RNF180: variants seen among roughly 807,000 people sequenced by gnomAD.
The protein encoded by RNF180 is ring finger protein 180.
Under a neutral mutation model 59.2 loss-of-function variants are expected in RNF180, and 38 were observed. That is an observed-to-expected ratio of 0.64 (90% CI 0.50 to 0.84). The LOEUF is 0.84. Among genes scored for constraint, RNF180 ranks in the 40% least tolerant of loss-of-function variants. The probability of loss-of-function intolerance (pLI) is 0.00; values close to 1 mark genes in which losing one functional copy is unlikely to be tolerated. For synonymous variants in RNF180, 262 were observed against 240.3 expected, an observed-to-expected ratio of 1.09 and a Z score of -0.84; for missense variants, 705 against 700.9, an observed-to-expected ratio of 1.01 and a Z score of -0.07.
At chr5:64,205,227 C>G (rs1751956069) in intron 2 of RNF180, among the ~76,000 whole-genome samples, 1 of 152,048 alleles carries the variant, frequency 6.6e-6, no homozygotes, top group Non-Finnish European at 1.5e-5. Context: ...TCAAAGTTAG[C>G]TTGGTGTGGA....
intron 5 of RNF180, among the ~76,000 whole-genome samples, chr5:64,316,521 A>G (rs1466195015): frequency 6.6e-6 from 1 of 152,186 alleles, no homozygotes; most frequent in Non-Finnish European, 1.5e-5. Context: ...TTGAGAACGT[A>G]CTATGGTGTT....
At chr5:64,235,759 T>C (rs2112216592) in intron 5 of RNF180, among the ~76,000 whole-genome samples, 1 of 152,244 alleles carries the variant, frequency 6.6e-6, no homozygotes, top group Non-Finnish European at 1.5e-5. Flanking sequence ...GTTCTTATGA[T>C]AGTGAGTGAG....
intron 5 of RNF180, among the ~76,000 whole-genome samples, chr5:64,222,439 G>A (rs957792344): frequency 6.6e-6 from 1 of 152,132 alleles, no homozygotes; most frequent in African/African-American, 2.4e-5. Flanking sequence ...AAGGGAGGGG[G>A]TACATGGGGG....
intron 5 of RNF180, among the ~76,000 whole-genome samples, chr5:64,309,170 A>G (rs374816292): frequency 1.3e-5 from 2 of 151,756 alleles, no homozygotes; most frequent in East Asian, 1.9e-4. Context: ...TAAAAGGCCT[A>G]AAGAATTCAT....
chr5:64,310,409 A>G (rs1193467092), intron 5 of RNF180, among the ~76,000 whole-genome samples: 1 of 151,362 alleles, frequency 6.6e-6, no homozygotes, highest in Admixed American at 6.6e-5. Flanking sequence ...ATGTTTTGTC[A>G]TTGCTTAATA....
chr5:64,237,484 G>A (rs1161202758), intron 5 of RNF180, among the ~76,000 whole-genome samples: 1 of 152,132 alleles, frequency 6.6e-6, no homozygotes, highest in Admixed American at 6.5e-5. Context: ...TCATAGGTGG[G>A]AGGGACTTGC....
intron 1 of RNF180, among the ~76,000 whole-genome samples, chr5:64,173,287 A>G (rs1429366013): frequency 1.3e-5 from 2 of 152,170 alleles, no homozygotes; most frequent in African/African-American, 4.8e-5. Context: ...TGTATATACA[A>G]TTTTTGTTGT....
chr5:64,244,179 C>T (rs1743004176), intron 5 of RNF180, among the ~76,000 whole-genome samples: 1 of 152,140 alleles, frequency 6.6e-6, no homozygotes, highest in South Asian at 2.1e-4. Flanking sequence ...CAGAATGCCT[C>T]TTCTCCTCCA....
chr5:64,287,493 G>A (rs879791886), intron 5 of RNF180, among the ~76,000 whole-genome samples: 5 of 152,082 alleles, frequency 3.3e-5, no homozygotes, highest in Admixed American at 2.0e-4. Flanking sequence ...GATGTCCTCT[G>A]GTAAATGTGC....
chr5:64,287,778 CT>C (rs1314075046), intron 5 of RNF180, among the ~76,000 whole-genome samples: 1 of 151,582 alleles, frequency 6.6e-6, no homozygotes, highest in Non-Finnish European at 1.5e-5. Context: ...CTATTTTTTT[CT>C]TGTAAATTTA....
intron 4 of RNF180, among the ~76,000 whole-genome samples, chr5:64,214,771 G>C (rs1752526432): frequency 6.6e-6 from 1 of 152,008 alleles, no homozygotes; most frequent in Non-Finnish European, 1.5e-5. Context: ...ATTTTAGAGG[G>C]ATATTAATCT....
intron 5 of RNF180, among the ~76,000 whole-genome samples, chr5:64,320,105 G>A (rs1013209836): frequency 6.6e-6 from 1 of 152,190 alleles, no homozygotes; most frequent in Non-Finnish European, 1.5e-5. Context: ...GATGGGCCCA[G>A]CATTAATTTA....
chr5:64,354,871 A>G (rs1337519513), intron 7 of RNF180, among the ~76,000 whole-genome samples: 1 of 151,866 alleles, frequency 6.6e-6, no homozygotes, highest in Non-Finnish European at 1.5e-5. Context: ...AAAATCTAGC[A>G]CCCTGTCATG....
At chr5:64,199,686 T>C (rs1751638135) in intron 1 of RNF180, among the ~76,000 whole-genome samples, 1 of 152,240 alleles carries the variant, frequency 6.6e-6, no homozygotes, top group Non-Finnish European at 1.5e-5. Flanking sequence ...AATGAGGAAA[T>C]GTGGCCAGGG....
chr5:64,348,051 T>C (rs1194045280), intron 7 of RNF180, among the ~76,000 whole-genome samples: 4 of 152,144 alleles, frequency 2.6e-5, no homozygotes, highest in Non-Finnish European at 5.9e-5. Flanking sequence ...TTAAAATATG[T>C]ATCTTATGCA....
chr5:64,322,497 G>T (rs1394989773), intron 5 of RNF180, among the ~76,000 whole-genome samples: 4 of 151,906 alleles, frequency 2.6e-5, no homozygotes, highest in African/African-American at 9.7e-5. Flanking sequence ...AGAAACAATA[G>T]ATGCTGGTGG....
chr5:64,214,253 A>G lies in RNF180; in HGVS notation c.927A>G (p.Glu309=). The G allele has an allele frequency of 6.2e-7, 1 of 1,614,082 alleles. No homozygotes were observed. The change falls in exon 4 of 8, where the codon GAA becomes GAG. Residue 309 remains glutamate (E), a synonymous_variant. Transcript: ENST00000389100. The part of the protein sequence containing the change: ...PHETQTQRGG[E]FQCGLEAASV... ...AGACCCAGACACAAAGAGGAGGAGA[A>G]TTTCAGTGTGGTCTAGAAGCTGCTT...
chr5:64,310,702 C>T (rs929363427), intron 5 of RNF180, among the ~76,000 whole-genome samples: 2 of 151,876 alleles, frequency 1.3e-5, no homozygotes, highest in African/African-American at 4.8e-5. Context: ...GATCCAGGTT[C>T]CCTCCATCTT....
chr5:64,200,779 A>G, intron 1 of RNF180, 29 bp from the exon 2 acceptor site: 1 of 1,597,178 alleles, frequency 6.3e-7, no homozygotes, highest in Non-Finnish European at 8.6e-7. Context: ...ACAGTTTAAC[A>G]TTCTAAAAAT....
Sources: gnomAD v4.1 joint callset for allele counts (sites outside exome capture counted in the v4.1 genomes callset) on GRCh38, gnomAD v4.1.1 for gene constraint, MANE v1.5 for transcripts, NCBI Gene and HGNC (gene_info 2026-07-23, HGNC 2026-07-21) for gene names.